PRH1: variants seen among roughly 807,000 people sequenced by gnomAD.
PRH1 encodes the protein salivary acidic proline-rich phosphoprotein 1/2.
In PRH1, 7 loss-of-function variants were observed where a neutral mutation model predicts 7.9. The ratio of observed to expected loss-of-function variants is 0.89; its 90% CI spans 0.50 to 1.67. The LOEUF is 1.67. PRH1 is among the 40% of genes most tolerant of loss of function. The pLI is 0.00. For synonymous variants in PRH1, 45 were observed against 80.8 expected, an observed-to-expected ratio of 0.56 and a Z score of 2.38; for missense variants, 109 against 223.6, an observed-to-expected ratio of 0.49 and a Z score of 3.27.
chr12:11,053,221 T>C (rs1055454030), intron 1 of PRH1, among the ~76,000 whole-genome samples: 2 of 152,234 alleles, frequency 1.3e-5, no homozygotes, highest in African/African-American at 2.4e-5. Flanking sequence ...TTGTATTCCA[T>C]GACATAATTT....
chr12:10,924,115 G>A (rs1205345525), intron 2 of PRH1, among the ~76,000 whole-genome samples: 1 of 148,158 alleles, frequency 6.7e-6, no homozygotes, highest in East Asian at 2.1e-4. Flanking sequence ...AGCCTCCCGA[G>A]TAGCTGGGAC....
At chr12:11,021,810 T>C in intron 1 of PRH1, 1 of 1,614,266 alleles carries the variant, frequency 6.2e-7, no homozygotes, top group Non-Finnish European at 8.5e-7. Flanking sequence ...TGCTCTGCTG[T>C]GTCCTAAGAT....
At position 11,168,314 on chromosome 12, in the gene PRH1, AGG is replaced by A. The variant is rs1235038218; in HGVS notation, n.39+3106_39+3107del. 2.9e-3 allele frequency among the ~76,000 whole-genome samples: 214 copies of A among 74,802 alleles called. 38 individuals are homozygous for A. The highest frequency in any genetic ancestry group is 5.3e-3 in the Non-Finnish European group (163 of 31,014). The allele number at this position is 74,802 out of a possible 152,430, so 49.1% of individuals were successfully genotyped here. On this transcript the variant is annotated intron_variant and non_coding_transcript_variant, in intron 1 of 1. Transcript: ENST00000541175. The stretch of plus-strand genomic sequence containing the variant: ...AAAGAAAGAAAGAAGGAAGGAAGGA[AGG>A]AAGGAAGGAAGGAAGGAAGGAAGGA...
intron 2 of PRH1, among the ~76,000 whole-genome samples, chr12:10,900,517 G>GA (rs1009730021): frequency 6.6e-6 from 1 of 151,768 alleles, no homozygotes; most frequent in Non-Finnish European, 1.5e-5. Flanking sequence ...GAATTGTGGG[G>GA]AAAAAAAACC....
At chr12:10,959,668 GATC>G (rs1242175467) in intron 2 of PRH1, among the ~76,000 whole-genome samples, 1 of 151,914 alleles carries the variant, frequency 6.6e-6, no homozygotes, top group Admixed American at 6.6e-5. Context: ...ATTATATATA[GATC>G]ATCATATAAT....
chr12:10,925,176 C>T (rs889928412), intron 2 of PRH1, among the ~76,000 whole-genome samples: 1 of 152,158 alleles, frequency 6.6e-6, no homozygotes, highest in African/African-American at 2.4e-5. Context: ...TTGCTCCAAC[C>T]TCACCCTTTT....
At chr12:11,131,158 A>C (rs1296389647) in intron 1 of PRH1, among the ~76,000 whole-genome samples, 3 of 152,210 alleles carry the variant, frequency 2.0e-5, no homozygotes, top group Non-Finnish European at 4.4e-5. Flanking sequence ...GAAACAGAAG[A>C]CTAACGACAG....
At chr12:11,026,666 A>C (rs986973371) in intron 1 of PRH1, among the ~76,000 whole-genome samples, 5 of 152,128 alleles carry the variant, frequency 3.3e-5, no homozygotes, top group African/African-American at 1.2e-4. Flanking sequence ...CGATTCACTA[A>C]ACCTATCTGG....
intron 1 of PRH1, chr12:10,997,365 C>T (rs1292419002): frequency 6.2e-7 from 1 of 1,614,076 alleles, no homozygotes; most frequent in Admixed American, 1.7e-5. Context: ...AGGTGCATTG[C>T]ATTCCTCAGT....
At chr12:11,165,010 TA>T (rs1328850840) in intron 1 of PRH1, among the ~76,000 whole-genome samples, 1 of 152,194 alleles carries the variant, frequency 6.6e-6, no homozygotes, top group Non-Finnish European at 1.5e-5. Flanking sequence ...GAGAAAATGG[TA>T]TCATGTTTGA....
chr12:11,062,515 A>C (rs907461763), intron 1 of PRH1, among the ~76,000 whole-genome samples: 1 of 152,110 alleles, frequency 6.6e-6, no homozygotes, highest in East Asian at 1.9e-4. Context: ...TCTTATTTTC[A>C]AAACAACTCA....
At chr12:11,031,549 G>C (rs1281853508) in intron 1 of PRH1, 8 of 541,618 alleles carry the variant, frequency 1.5e-5, no homozygotes, top group Non-Finnish European at 2.4e-5. Flanking sequence ...CGGGAGGAAG[G>C]CGACCCAGGC....
At chr12:10,951,253 C>T (rs116605292) in intron 2 of PRH1, among the ~76,000 whole-genome samples, 3,013 of 152,132 alleles carry the variant, frequency 0.02, 35 homozygotes, top group South Asian at 0.031. Context: ...ATATTTTCCT[C>T]GTGTAGTCAT....
intron 1 of PRH1, among the ~76,000 whole-genome samples, chr12:10,981,328 T>C (rs1284490691): frequency 6.7e-6 from 1 of 150,312 alleles, no homozygotes; most frequent in Non-Finnish European, 1.5e-5. Context: ...AAAGACACAG[T>C]GGTCCATGGG....
intron 1 of PRH1, among the ~76,000 whole-genome samples, chr12:11,113,811 T>G (rs1344044758): frequency 1.3e-5 from 2 of 150,184 alleles, no homozygotes; most frequent in Non-Finnish European, 3.0e-5. Context: ...TTGCAATCTA[T>G]TAAACAAACA....
chr12:10,897,643 A>G (rs1374052093), intron 2 of PRH1, among the ~76,000 whole-genome samples: 2 of 152,334 alleles, frequency 1.3e-5, no homozygotes, highest in East Asian at 3.9e-4. Context: ...GGAAATGTAT[A>G]AAGATGGCGG....
chr12:10,952,147 T>C (rs1364600022), intron 2 of PRH1, among the ~76,000 whole-genome samples: 4 of 152,240 alleles, frequency 2.6e-5, no homozygotes, highest in Admixed American at 2.0e-4. Context: ...GCTCGTGTTT[T>C]ATTTGATCTT....
At chr12:10,911,836 A>G (rs1277604213) in intron 2 of PRH1, among the ~76,000 whole-genome samples, 2 of 152,314 alleles carry the variant, frequency 1.3e-5, no homozygotes, top group East Asian at 3.9e-4. Flanking sequence ...CTCCCATGGC[A>G]AGAAAGAGAA....
chr12:11,005,376 G>C (rs1428203340), intron 1 of PRH1, among the ~76,000 whole-genome samples: 2 of 152,064 alleles, frequency 1.3e-5, no homozygotes, highest in Non-Finnish European at 2.9e-5. Flanking sequence ...TCAGTTGTTA[G>C]GGAAATTTTA....
Sources: gnomAD v4.1 joint callset for allele counts (sites outside exome capture counted in the v4.1 genomes callset) on GRCh38, gnomAD v4.1.1 for gene constraint, MANE v1.5 for transcripts, NCBI Gene and HGNC (gene_info 2026-07-23, HGNC 2026-07-21) for gene names.